Variants in PTPN7 observed in about 807,000 individuals in gnomAD.
The protein encoded by PTPN7 is protein tyrosine phosphatase non-receptor type 7, also known as tyrosine-protein phosphatase non-receptor type 7.
A neutral mutation model predicts 50.3 loss-of-function variants in PTPN7; 33 were observed. The observed-to-expected ratio is 0.66, with a 90% CI of 0.50 to 0.88. The LOEUF (loss-of-function observed/expected upper bound fraction) is 0.88, where lower values mean the gene tolerates loss of function less well. Ranked by LOEUF, PTPN7 falls within the 40% of genes least tolerant of loss-of-function variation. The pLI is 0.00. For missense variants in PTPN7, 412 were observed against 475.4 expected (o/e 0.87, Z 1.24); for synonymous variants, 185 against 186.6 (o/e 0.99, Z 0.07).
In PTPN7 at chr1:202,153,710, C is replaced by T; in HGVS notation, c.717+15G>A. On this transcript the variant is annotated intron_variant, in intron 7 of 9. Transcript: ENST00000691036. Reference sequence around the variant, plus strand: ...GCCCAACTTCCCACTGGGCCTGGCTCCGGGGGGGTGGTACCTGGATGGTGA... The same window carrying T: ...GCCCAACTTCCCACTGGGCCTGGCTTCGGGGGGGTGGTACCTGGATGGTGA... The T allele has an allele frequency of 3.1e-6, 5 of 1,607,438 alleles. No homozygotes were observed. The African/African-American group carries it at 5.3e-5, about 17-fold the overall frequency.
At chr1:202,155,887 A>G (rs1398116362) in intron 4 of PTPN7, among the ~76,000 whole-genome samples, 1 of 152,158 alleles carries the variant, frequency 6.6e-6, no homozygotes, top group African/African-American at 2.4e-5. Context: ...AGCCTTTGAC[A>G]TAGCTGGGAC....
intron 9 of PTPN7, 194 bp downstream of exon 9, chr1:202,150,117 G>GCCA (rs1165117078): frequency 3.8e-6 from 2 of 524,952 alleles, no homozygotes; most frequent in Admixed American, 3.0e-5. Flanking sequence ...ACAGGTGTGA[G>GCCA]CCACCGCACC....
At chr1:202,158,422 A>G in intron 2 of PTPN7, 121 bp from the exon 3 acceptor site, 1 of 1,047,252 alleles carries the variant, frequency 9.5e-7, no homozygotes, top group Non-Finnish European at 1.4e-6. Flanking sequence ...GTGTGATGGC[A>G]CTATTATGGC....
intron 4 of PTPN7, 131 bp downstream of exon 4, chr1:202,157,608 C>A: frequency 1.3e-6 from 1 of 784,062 alleles, no homozygotes; most frequent in East Asian, 2.6e-5. Flanking sequence ...CTTCTTCCCC[C>A]TTTCTCTGCT....
intron 2 of PTPN7, chr1:202,158,679 C>T (rs1422075279): frequency 1.6e-5 from 3 of 187,398 alleles, no homozygotes; most frequent in Admixed American, 5.8e-5. Flanking sequence ...ATTTGCTTTT[C>T]TTACAAGTAT....
Position 202,154,161 on chromosome 1 carries a change from C to T in PTPN7, c.606+25G>A, listed in dbSNP as rs757052360. 4 of 1,613,370 alleles carry T rather than the reference C, an allele frequency of 2.5e-6. No individual in the cohort carries two copies. The East Asian group carries it at 8.9e-5, about 36-fold the overall frequency. On this transcript the variant is annotated intron_variant, in intron 6 of 9. Transcript: ENST00000691036. ...TGGGCATAGCACTTTCTGGGTTCAT[C>T]ATGAACTGTGGCTCTGCCTCCTACC...
chr1:202,149,829 GTTTTTTTTTTTT>G (rs67499965), intron 9 of PTPN7: 2 of 92,914 alleles, frequency 2.2e-5, no homozygotes, highest in African/African-American at 4.5e-5. Flanking sequence ...TCTTTTTTTT[GTTTTTTTTTTTT>G]TTTTTTTTTG....
intron 7 of PTPN7, 66 bp downstream of exon 7, chr1:202,153,659 C>A (rs1368621001): frequency 3.8e-6 from 5 of 1,324,514 alleles, no homozygotes; most frequent in Non-Finnish European, 5.4e-6. Context: ...GAAGAGCCAG[C>A]CTGAGTCCCA....
In PTPN7 at chr1:202,148,847, C is replaced by CTTTTTTTTTTTTT. The variant is rs10652170; in HGVS notation, c.990-161_990-149dup. Reference sequence around the variant, plus strand: ...TCCTTTGCCTATATTCATCTTTTCACTTTTTTTTTTTTTTTTTTTTTTTTG... The same window carrying CTTTTTTTTTTTTT: ...TCCTTTGCCTATATTCATCTTTTCACTTTTTTTTTTTTTTTTTTTTTTTTTTTTTTTTTTTTTG... On this transcript the variant is annotated intron_variant, in intron 9 of 9. Transcript: ENST00000691036. 58 of 137,540 alleles carry CTTTTTTTTTTTTT rather than the reference C, an allele frequency of 4.2e-4. 4 individuals are homozygous for CTTTTTTTTTTTTT. The highest frequency in any genetic ancestry group is 8.6e-4 in the African/African-American group (19 of 22,202). 8.5% of individuals were successfully genotyped at this position (137,540 alleles called of 1,614,324 possible). A position where few individuals can be genotyped will look rare whatever the true frequency, so the allele number is the denominator to read the frequency against.
Position 202,154,075 on chromosome 1 carries a change from G to A in PTPN7, c.606+111C>T, listed in dbSNP as rs1656361214. The A allele has an allele frequency of 6.2e-5, 93 of 1,490,964 alleles. 1 individual carries two copies. In the South Asian group the frequency reaches 7.9e-4, roughly 13 times the overall value. 92.4% of individuals were successfully genotyped at this position (1,490,964 alleles called of 1,614,324 possible). A position where few individuals can be genotyped will look rare whatever the true frequency, so the allele number is the denominator to read the frequency against. On this transcript the variant is annotated intron_variant, in intron 6 of 9. Coordinates refer to ENST00000691036, the MANE Select transcript of PTPN7 (RefSeq NM_002832.4). Reference sequence around the variant, plus strand: ...GGAACTTTCTGAGAGGTATGAGCTGGGGCTGGCTCCCAGGGAAACCTCTGG... The same window carrying A: ...GGAACTTTCTGAGAGGTATGAGCTGAGGCTGGCTCCCAGGGAAACCTCTGG...
At chr1:202,160,752 G>C, upstream of PTPN7, 1 of 1,550,712 alleles carries the variant, frequency 6.4e-7, no homozygotes, top group Non-Finnish European at 8.7e-7. The surrounding 1 kb of genome is among the most constrained non-coding windows in gnomAD (Gnocchi z 4.8). Context: ...GTGCCCTTCT[G>C]GGGCCCAAGG....
At chr1:202,158,000 C>A (rs756858710) in intron 3 of PTPN7, 118 bp downstream of exon 3, 16 of 1,370,466 alleles carry the variant, frequency 1.2e-5, no homozygotes, top group Non-Finnish European at 1.6e-5. Context: ...CCCTGAAGTT[C>A]TCTTTCCTAA....
Position 202,152,719 on chromosome 1 carries a change from T to C in PTPN7, c.718-20A>G. Reference sequence around the variant, plus strand: ...CTGGTACTGGATTGGAGACAAGGCATGAGAACCAAGGTCAGGGTGGAGGGC... The same window carrying C: ...CTGGTACTGGATTGGAGACAAGGCACGAGAACCAAGGTCAGGGTGGAGGGC... On this transcript the variant is annotated intron_variant, in intron 7 of 9. Coordinates refer to ENST00000691036, the MANE Select transcript of PTPN7 (RefSeq NM_002832.4). The C allele has an allele frequency of 6.2e-7, 1 of 1,613,188 alleles. No individual in the cohort carries two copies. Among genetic ancestry groups the C allele is most frequent in the Non-Finnish European group, 8.5e-7 (1 of 1,179,396 alleles).
intron 3 of PTPN7, 116 bp from the exon 4 acceptor site, chr1:202,157,939 C>T (rs1656869761): frequency 1.6e-6 from 2 of 1,273,274 alleles, no homozygotes; most frequent in East Asian, 2.3e-5. Context: ...GTATGTAGGC[C>T]TAGATGGGGT....
At chr1:202,154,739 C>T (rs1179845479) in intron 5 of PTPN7, among the ~76,000 whole-genome samples, 1 of 152,214 alleles carries the variant, frequency 6.6e-6, no homozygotes, top group Non-Finnish European at 1.5e-5. Flanking sequence ...AATACCTAAA[C>T]AGTGTTTAAT....
upstream of PTPN7, chr1:202,161,112 A>G: frequency 7.8e-7 from 1 of 1,283,142 alleles, no homozygotes; most frequent in Non-Finnish European, 9.9e-7. Context: ...ATCTTCCCAG[A>G]GCAGATGTGG....
rs183003102 is a variant in PTPN7 at position 202,152,800 on chromosome 1, G to T, written c.718-101C>A. The T allele has an allele frequency of 2.2e-4, 302 of 1,353,904 alleles. 1 individual carries two copies. The highest frequency in any genetic ancestry group is 7.8e-4 in the Middle Eastern group (4 of 5,138). The allele number at this position is 1,353,904 out of a possible 1,614,324, so 83.9% of individuals were successfully genotyped here. On this transcript the variant is annotated intron_variant, in intron 7 of 9. Coordinates refer to ENST00000691036, the MANE Select transcript of PTPN7 (RefSeq NM_002832.4). The stretch of plus-strand genomic sequence containing the variant: ...AGGGCAAGGGCTGGAATTACCCTGT[G>T]GGGGGGTCATCTACTCAAAGCAAGC...
At position 202,147,756 on chromosome 1, in the gene PTPN7, T is replaced by C. The variant is rs1655481978; in HGVS notation, c.*850A>G. On this transcript the variant is annotated 3_prime_UTR_variant, in exon 10 of 10. Coordinates refer to ENST00000691036, the MANE Select transcript of PTPN7 (RefSeq NM_002832.4). ...AATGCAAGGTATAGTGGGTCCTGCA[T>C]ACCCAGGGTATTATTTGAGCCATGG... The C allele has an allele frequency of 6.6e-6, 1 of 152,222 alleles. No individual in the cohort carries two copies. The highest frequency in any genetic ancestry group is 2.4e-5 in the African/African-American group (1 of 41,432). The allele number at this position is 152,222 out of a possible 1,614,324, so 9.4% of individuals were successfully genotyped here.
Position 202,154,291 on chromosome 1 carries a change from G to A in PTPN7, c.501C>T (p.Ala167=), listed in dbSNP as rs755828185. ...GYDGKEKVYI[A]TQGPMPNTVS... is the part of the protein sequence containing the mutation. ...CAGTGTTGGGCATGGGGCCCTGGGTGGCAATGTAGACCTTCTCCTTCCCGT... is the reference window on the plus strand; with the variant it reads ...CAGTGTTGGGCATGGGGCCCTGGGTAGCAATGTAGACCTTCTCCTTCCCGT... The change falls in exon 6 of 10, where the codon GCC becomes GCT. Residue 167 remains alanine (A), a synonymous_variant. Coordinates refer to ENST00000691036, the MANE Select transcript of PTPN7 (RefSeq NM_002832.4). 1 of 1,614,010 alleles carries A rather than the reference G, an allele frequency of 6.2e-7. No homozygotes were observed. Among genetic ancestry groups the A allele is most frequent in the South Asian group, 1.1e-5 (1 of 91,062 alleles).
Sources: gnomAD v4.1 joint callset for allele counts (sites outside exome capture counted in the v4.1 genomes callset) on GRCh38, gnomAD v4.1.1 for gene constraint, Gnocchi (gnomAD v3.1) non-coding constraint, MANE v1.5 for transcripts, NCBI Gene and HGNC (gene_info 2026-07-23, HGNC 2026-07-21) for gene names.